The following SPATA13 variants were observed in gnomAD, a reference collection of about 807,000 sequenced individuals.
SPATA13 encodes the protein spermatogenesis associated 13, also known as spermatogenesis-associated protein 13.
Under a neutral mutation model 104.0 loss-of-function variants are expected in SPATA13, and 50 were observed. The ratio of observed to expected loss-of-function variants is 0.48; its 90% CI spans 0.38 to 0.61. The LOEUF (loss-of-function observed/expected upper bound fraction) is 0.61. SPATA13 is among the 20% of genes least tolerant of loss of function. The probability of loss-of-function intolerance (pLI) is 0.00; values close to 1 mark genes in which losing one functional copy is unlikely to be tolerated. For missense variants in SPATA13, 1,524 were observed against 1,690.6 expected (o/e 0.90, Z 1.73); for synonymous variants, 606 against 667.5 (o/e 0.91, Z 1.42).
At chr13:24,086,317 C>T (rs4770574) in intron 3 of SPATA13, among the ~76,000 whole-genome samples, 109,590 of 152,074 alleles carry the variant, frequency 0.72, 39,671 homozygotes, top group East Asian at 0.9. Context: ...CACTGGGTGT[C>T]CTGTGCTTTA....
rs535204023 is a variant in SPATA13, at chr13:23,995,269, G to GTAAATCAAAGACAATTTTGTTT, written c.-147+11337_-147+11338insAAATCAAAGACAATTTTGTTTT. Among the ~76,000 whole-genome samples, 41 of 152,220 alleles carry GTAAATCAAAGACAATTTTGTTT rather than the reference G, an allele frequency of 2.7e-4. No homozygotes were observed. The East Asian group carries it at 7.5e-3, about 28-fold the overall frequency. On this transcript the variant is annotated intron_variant, in intron 2 of 14. Coordinates refer to the SPATA13 transcript ENST00000424834. Reference sequence around the variant, plus strand: ...TGATTTTATCCCTAGAAAGACAAAGGTGTGATCTTTGAACACAGGTAAATC... The same window carrying GTAAATCAAAGACAATTTTGTTT: ...TGATTTTATCCCTAGAAAGACAAAGGTAAATCAAAGACAATTTTGTTTTGTGATCTTTGAACACAGGTAAATC...
intron 2 of SPATA13, among the ~76,000 whole-genome samples, chr13:23,992,152 G>C (rs971505019): frequency 6.6e-6 from 1 of 152,096 alleles, no homozygotes; most frequent in Non-Finnish European, 1.5e-5. Flanking sequence ...CTCAAGTCTG[G>C]GTTCTTGGTA....
intron 3 of SPATA13, among the ~76,000 whole-genome samples, chr13:24,053,638 G>A (rs1878441574): frequency 6.6e-6 from 1 of 151,958 alleles, no homozygotes; most frequent in African/African-American, 2.4e-5. Context: ...CCCACTTTGG[G>A]GCTGAGCTGT....
intron 3 of SPATA13, among the ~76,000 whole-genome samples, chr13:24,124,740 G>A (rs1160849179): frequency 3.3e-5 from 5 of 152,118 alleles, no homozygotes; most frequent in Non-Finnish European, 5.9e-5. Flanking sequence ...TCCAAGGTTT[G>A]TTCTTTTTTT....
chr13:24,154,384 G>GA (rs1882196016), intron 3 of SPATA13, among the ~76,000 whole-genome samples: 1 of 152,186 alleles, frequency 6.6e-6, no homozygotes, highest in African/African-American at 2.4e-5. Context: ...GAGCAACATG[G>GA]ATGAATCTCA....
At chr13:24,108,803 C>T (rs1266036610) in intron 3 of SPATA13, among the ~76,000 whole-genome samples, 2 of 152,114 alleles carry the variant, frequency 1.3e-5, no homozygotes, top group Non-Finnish European at 2.9e-5. Context: ...TTGGCGCCCA[C>T]GTTCCCGCCC....
At chr13:24,207,105 A>AC (rs1193782900) in intron 1 of SPATA13, among the ~76,000 whole-genome samples, 1 of 152,156 alleles carries the variant, frequency 6.6e-6, no homozygotes, top group Non-Finnish European at 1.5e-5. Flanking sequence ...TCCTCAGCAA[A>AC]CTAAAGCAGG....
intron 1 of SPATA13, among the ~76,000 whole-genome samples, chr13:24,183,348 G>A (rs1196898996): frequency 6.6e-6 from 1 of 152,142 alleles, no homozygotes; most frequent in Non-Finnish European, 1.5e-5. Context: ...ACCCAACCAA[G>A]ACTGAATGAC....
At chr13:24,063,615 C>G (rs1279092365) in intron 3 of SPATA13, among the ~76,000 whole-genome samples, 1 of 152,132 alleles carries the variant, frequency 6.6e-6, no homozygotes, top group Non-Finnish European at 1.5e-5. Context: ...TGGCTGCCAT[C>G]CAATTACACA....
intron 12 of SPATA13, 183 bp downstream of exon 12, chr13:24,300,658 C>CG: frequency 1.6e-6 from 1 of 607,540 alleles, no homozygotes; most frequent in East Asian, 2.9e-5. Flanking sequence ...TTTGAATGTG[C>CG]GTCAGTGTTT....
At position 24,224,587 on chromosome 13, in the gene SPATA13, G is replaced by C. The variant is rs1305151425; in HGVS notation, c.1653+5G>C. ...GAAGAAAAGGAGAAGGAGGAGGTAA[G>C]GGCAGCGGCGAGGTCCCTCATGTGG... is the stretch of plus-strand genomic sequence containing the variant. On this transcript the variant is annotated splice_donor_5th_base_variant and intron_variant, in intron 2 of 12. Transcript: ENST00000382108. 1 of 1,537,260 alleles carries C rather than the reference G, an allele frequency of 6.5e-7. No homozygotes were observed. Among genetic ancestry groups the C allele is most frequent in the African/African-American group, 1.4e-5 (1 of 73,048 alleles).
intron 2 of SPATA13, among the ~76,000 whole-genome samples, chr13:23,985,987 G>C (rs1373173747): frequency 6.6e-5 from 10 of 152,220 alleles, no homozygotes; most frequent in African/African-American, 2.2e-4. Flanking sequence ...GCGGACCTCA[G>C]CTCTTCCCTT....
chr13:24,179,125 T>C (rs1168008603), intron 1 of SPATA13, among the ~76,000 whole-genome samples: 1 of 152,262 alleles, frequency 6.6e-6, no homozygotes, highest in Non-Finnish European at 1.5e-5. Flanking sequence ...TTTTCATTGC[T>C]GAATGATACT....
intron 1 of SPATA13, among the ~76,000 whole-genome samples, chr13:24,177,102 C>T (rs760384299): frequency 2.0e-5 from 3 of 152,238 alleles, no homozygotes; most frequent in Admixed American, 6.5e-5. Flanking sequence ...TCCTTTCTCT[C>T]TAGTACAAAA....
chr13:24,257,973 G>A (rs546623006), intron 4 of SPATA13, among the ~76,000 whole-genome samples: 4 of 152,282 alleles, frequency 2.6e-5, no homozygotes, highest in East Asian at 1.9e-4. Context: ...GCTCTGAAAC[G>A]ATAAGAATTC....
At chr13:24,190,039 T>A (rs1374077461) in intron 1 of SPATA13, among the ~76,000 whole-genome samples, 6 of 95,758 alleles carry the variant, frequency 6.3e-5, no homozygotes, top group East Asian at 3.5e-4. Flanking sequence ...ATACAATATA[T>A]ATTATTATAT....
intron 3 of SPATA13, among the ~76,000 whole-genome samples, chr13:24,028,323 C>G (rs1317829237): frequency 6.6e-6 from 1 of 152,198 alleles, no homozygotes; most frequent in East Asian, 1.9e-4. Context: ...ATACTGCTCC[C>G]AACTTATCTG....
At chr13:24,206,757 T>C (rs1870720039) in intron 1 of SPATA13, among the ~76,000 whole-genome samples, 1 of 152,118 alleles carries the variant, frequency 6.6e-6, no homozygotes, top group Non-Finnish European at 1.5e-5. Flanking sequence ...CCAGACGTGT[T>C]GGGATGTGCC....
At chr13:24,089,036 G>A (rs939086505) in intron 3 of SPATA13, among the ~76,000 whole-genome samples, 3 of 152,206 alleles carry the variant, frequency 2.0e-5, no homozygotes, top group Non-Finnish European at 2.9e-5. Flanking sequence ...TTCACAGGTG[G>A]CTTTGAAAAG....
Sources: gnomAD v4.1 joint callset for allele counts (sites outside exome capture counted in the v4.1 genomes callset) on GRCh38, gnomAD v4.1.1 for gene constraint, MANE v1.5 for transcripts, NCBI Gene and HGNC (gene_info 2026-07-23, HGNC 2026-07-21) for gene names.